TPRG1: variants seen among roughly 807,000 people sequenced by gnomAD.
TPRG1 encodes the protein tumor protein p63 regulated 1.
In TPRG1, 29 loss-of-function variants were observed where a neutral mutation model predicts 29.3. That is an observed-to-expected ratio of 0.99 (90% CI 0.74 to 1.35). The LOEUF is 1.35. TPRG1 is among the 40% of genes most tolerant of loss of function. The pLI, the probability that TPRG1 is intolerant of heterozygous loss-of-function variation, is 0.00. For missense variants in TPRG1, 327 were observed against 335.0 expected, an observed-to-expected ratio of 0.98 and a Z score of 0.19; for synonymous variants, 130 against 116.8, an observed-to-expected ratio of 1.11 and a Z score of -0.73.
intron 4 of TPRG1, among the ~76,000 whole-genome samples, chr3:189,299,053 T>C (rs28624266): frequency 1.8e-5 from 2 of 111,264 alleles, no homozygotes; most frequent in Non-Finnish European, 3.6e-5. Context: ...TTTAGAAAAA[T>C]GGGTTTTTTT....
At chr3:189,144,963 T>C (rs912096456) in intron 3 of TPRG1, among the ~76,000 whole-genome samples, 3 of 152,232 alleles carry the variant, frequency 2.0e-5, no homozygotes, top group African/African-American at 7.2e-5. Context: ...AACTGTTCCA[T>C]GTAAGCTAGA....
chr3:189,164,099 C>T (rs578029625), intron 5 of TPRG1, among the ~76,000 whole-genome samples: 81 of 152,040 alleles, frequency 5.3e-4, no homozygotes, highest in Non-Finnish European at 1.0e-3. Flanking sequence ...AGAGAAGATT[C>T]TTTTATAATG....
intron 4 of TPRG1, among the ~76,000 whole-genome samples, chr3:189,263,317 G>C (rs993911311): frequency 6.6e-6 from 1 of 152,190 alleles, no homozygotes; most frequent in African/African-American, 2.4e-5. Context: ...GAGATGAAGG[G>C]GTTTATGGGG....
intron 4 of TPRG1, among the ~76,000 whole-genome samples, chr3:189,048,181 T>C (rs909347638): frequency 6.6e-6 from 1 of 152,226 alleles, no homozygotes; most frequent in Non-Finnish European, 1.5e-5. Flanking sequence ...GCAAAATGAA[T>C]ATATGTTAAC....
intron 4 of TPRG1, among the ~76,000 whole-genome samples, chr3:189,293,606 T>C (rs1479075861): frequency 6.6e-6 from 1 of 152,150 alleles, no homozygotes; most frequent in African/African-American, 2.4e-5. Context: ...ATCAGTGTCT[T>C]CTCACTCATC....
intron 4 of TPRG1, among the ~76,000 whole-genome samples, chr3:189,039,142 A>G (rs1714471985): frequency 6.6e-6 from 1 of 152,260 alleles, no homozygotes; most frequent in African/African-American, 2.4e-5. Context: ...ATACAAGGAT[A>G]TAGCTATCTA....
chr3:189,186,064 T>C (rs991146797), intron 1 of TPRG1, among the ~76,000 whole-genome samples: 2 of 152,236 alleles, frequency 1.3e-5, no homozygotes, highest in African/African-American at 4.8e-5. Context: ...TACTAGGCTC[T>C]AAGCTTTAGG....
chr3:189,199,281 T>A (rs544097192), intron 1 of TPRG1, among the ~76,000 whole-genome samples: 29 of 152,332 alleles, frequency 1.9e-4, no homozygotes, highest in African/African-American at 6.7e-4. Context: ...AGTCACATGA[T>A]GATATGGGGA....
intron 4 of TPRG1, among the ~76,000 whole-genome samples, chr3:189,292,364 A>G (rs1271732418): frequency 1.3e-5 from 2 of 151,848 alleles, no homozygotes; most frequent in Non-Finnish European, 2.9e-5. Context: ...TTATGTAAAA[A>G]TAGTAATTAC....
chr3:189,140,672 T>G (rs1036076333), intron 3 of TPRG1, among the ~76,000 whole-genome samples: 1 of 152,184 alleles, frequency 6.6e-6, no homozygotes, highest in Admixed American at 6.5e-5. Flanking sequence ...AACACAAATC[T>G]TACCTGCACC....
chr3:189,071,956 TGTC>T (rs1716835106), intron 4 of TPRG1, among the ~76,000 whole-genome samples: 1 of 152,346 alleles, frequency 6.6e-6, no homozygotes, highest in African/African-American at 2.4e-5. Context: ...GTATCATCTC[TGTC>T]CTTCTTGGTA....
intron 4 of TPRG1, among the ~76,000 whole-genome samples, chr3:189,261,426 AAG>A (rs1713027549): frequency 6.6e-6 from 1 of 152,032 alleles, no homozygotes; most frequent in South Asian, 2.1e-4. Context: ...AAAAAAAAAA[AAG>A]AAAAAAGCCA....
chr3:189,202,474 C>G (rs1167311279), intron 1 of TPRG1, among the ~76,000 whole-genome samples: 2 of 152,198 alleles, frequency 1.3e-5, no homozygotes, highest in African/African-American at 4.8e-5. Flanking sequence ...ATTAAAACTT[C>G]TGTTTCTATA....
chr3:189,130,800 C>CTA (rs1348710525), intron 2 of TPRG1, among the ~76,000 whole-genome samples: 1 of 152,206 alleles, frequency 6.6e-6, no homozygotes, highest in Non-Finnish European at 1.5e-5. Flanking sequence ...TATATTCCAG[C>CTA]TATAACAGGC....
chr3:189,109,686 C>T (rs574739888), intron 1 of TPRG1, among the ~76,000 whole-genome samples: 158 of 152,158 alleles, frequency 1.0e-3, no homozygotes, highest in African/African-American at 3.8e-3. Context: ...TTTTCCCCAC[C>T]TAAAAAAATT....
chr3:189,124,284 C>T (rs1286399753), intron 1 of TPRG1, among the ~76,000 whole-genome samples: 1 of 151,994 alleles, frequency 6.6e-6, no homozygotes, highest in Admixed American at 6.6e-5. Flanking sequence ...GGCAATAAAA[C>T]ATAGTGGCTT....
chr3:189,143,290 G>A (rs1199928431), intron 3 of TPRG1, among the ~76,000 whole-genome samples: 6 of 152,204 alleles, frequency 3.9e-5, no homozygotes, highest in Non-Finnish European at 8.8e-5. Context: ...TCTGGGCTGA[G>A]AGCAGTCAAA....
chr3:189,145,359 T>A (rs1312207391), intron 3 of TPRG1, among the ~76,000 whole-genome samples: 9 of 107,384 alleles, frequency 8.4e-5, no homozygotes, highest in African/African-American at 1.7e-4. Context: ...AGACTCCATC[T>A]AAAAAAAAAA....
At chr3:189,280,312 T>C (rs1010154835) in intron 4 of TPRG1, among the ~76,000 whole-genome samples, 1 of 147,648 alleles carries the variant, frequency 6.8e-6, no homozygotes, top group African/African-American at 2.7e-5. Context: ...AATGGAATAA[T>C]ATATATAAAT....
Sources: allele counts gnomAD v4.1 joint callset (sites outside exome capture counted in the v4.1 genomes callset), GRCh38; gene constraint gnomAD v4.1.1; transcripts MANE v1.5; gene names NCBI Gene and HGNC (gene_info 2026-07-23, HGNC 2026-07-21).